The following AGPAT4 variants were observed in gnomAD, a reference collection of about 807,000 sequenced individuals.
AGPAT4 encodes the protein 1-acyl-sn-glycerol-3-phosphate acyltransferase delta.
A neutral mutation model predicts 48.0 loss-of-function variants in AGPAT4; 15 were observed. The ratio of observed to expected loss-of-function variants is 0.31; its 90% CI spans 0.21 to 0.48. The LOEUF is 0.48. Ranked by LOEUF, AGPAT4 falls within the 20% of genes least tolerant of loss-of-function variation. The probability of loss-of-function intolerance (pLI) is 0.99; values close to 1 mark genes in which losing one functional copy is unlikely to be tolerated. For synonymous variants in AGPAT4, 178 were observed against 198.7 expected, an observed-to-expected ratio of 0.90 and a Z score of 0.88; for missense variants, 314 against 482.5, an observed-to-expected ratio of 0.65 and a Z score of 3.27.
rs1778887944 is a variant in AGPAT4 at position 161,131,144 on chromosome 6, G to GC, written c.*5395dup. 6 of 285,530 alleles carry GC rather than the reference G, an allele frequency of 2.1e-5. No individual in the cohort carries two copies. The highest frequency in any genetic ancestry group is 1.7e-4 in the South Asian group (5 of 29,044). 17.7% of individuals were successfully genotyped at this position (285,530 alleles called of 1,614,324 possible). On this transcript the variant is annotated 3_prime_UTR_variant, in exon 9 of 9. Coordinates refer to ENST00000320285, the MANE Select transcript of AGPAT4 (RefSeq NM_020133.3). Reference sequence around the variant, plus strand: ...TCATTCCAATATGTAAAACAAGACTGCCTTGTTTTAAAAAAACAAATTAAA... The same window carrying GC: ...TCATTCCAATATGTAAAACAAGACTGCCCTTGTTTTAAAAAAACAAATTAAA...
rs759391464 is a variant in AGPAT4, at chr6:161,148,269, C to T, written c.767+918G>A. ...GCAGACTGTTGCCTGCACCATCAGA[C>T]AAGAAGTCAGTGATGATGACGATGC... On this transcript the variant is annotated intron_variant, in intron 6 of 8. Transcript: ENST00000320285. The surrounding 1 kb of genome is among the most constrained non-coding windows in gnomAD (Gnocchi z 5.5). Among the ~76,000 whole-genome samples, 1 of 152,208 alleles carries T rather than the reference C, an allele frequency of 6.6e-6. No homozygotes were observed. Among genetic ancestry groups the T allele is most frequent in the Non-Finnish European group, 1.5e-5 (1 of 68,044 alleles).
rs368484728 is a variant in AGPAT4, at chr6:161,230,418, A to G, written c.178+1618T>C. ...GTTTCAATGAAAAAGCGTAATCAGT[A>G]TTGCTTTGTTAAATTTAAATTCTGC... On this transcript the variant is annotated intron_variant, in intron 2 of 8. Transcript: ENST00000320285. Among the ~76,000 whole-genome samples the G allele has an allele frequency of 1.3e-3, 196 of 152,354 alleles. 9 individuals carry two copies. In the South Asian group the frequency reaches 0.039, roughly 30 times the overall value.
In AGPAT4 at chr6:161,177,225, C is replaced by T. The variant is rs941481626; in HGVS notation, c.179-10808G>A. 6.6e-6 allele frequency among the ~76,000 whole-genome samples: 1 copy of T among 152,176 alleles called. No homozygotes were observed. Among genetic ancestry groups the T allele is most frequent in the Non-Finnish European group, 1.5e-5 (1 of 68,030 alleles). On this transcript the variant is annotated intron_variant, in intron 2 of 8. Coordinates refer to ENST00000320285, the MANE Select transcript of AGPAT4 (RefSeq NM_020133.3). The surrounding 1 kb of genome is among the most constrained non-coding windows in gnomAD (Gnocchi z 5.0). ...TTGGGGAAGTTATCCTGGATAATATCCTGTAGAGTGTTTTCCAACGTGGTT... is the reference window on the plus strand; with the variant it reads ...TTGGGGAAGTTATCCTGGATAATATTCTGTAGAGTGTTTTCCAACGTGGTT...
Position 161,195,373 on chromosome 6 carries a change from G to A in AGPAT4, c.179-28956C>T, listed in dbSNP as rs78936541. Among the ~76,000 whole-genome samples the A allele has an allele frequency of 0.015, 2,354 of 152,178 alleles. 51 individuals are homozygous for A. The highest frequency in any genetic ancestry group is 0.054 in the African/African-American group (2,231 of 41,512). The stretch of plus-strand genomic sequence containing the variant: ...AAGCACTGCAGGACAACCATTGGGC[G>A]GGTTATAAACACCTTTCATTATATG... On this transcript the variant is annotated intron_variant, in intron 2 of 8. Coordinates refer to ENST00000320285, the MANE Select transcript of AGPAT4 (RefSeq NM_020133.3). The surrounding 1 kb of genome is among the most constrained non-coding windows in gnomAD (Gnocchi z 5.0).
Position 161,131,185 on chromosome 6 carries a change from ACT to A in AGPAT4, c.*5353_*5354del. On this transcript the variant is annotated 3_prime_UTR_variant, in exon 9 of 9. Transcript: ENST00000320285. ...ACAAATTAAATGTAAAAATTGTATG[ACT>A]CTTACCCAGTGAAAAGCTTTACTAA... The A allele has an allele frequency of 3.7e-6, 1 of 272,732 alleles. No homozygotes were observed. Among genetic ancestry groups the A allele is most frequent in the South Asian group, 3.9e-5 (1 of 25,556 alleles). 16.9% of individuals were successfully genotyped at this position (272,732 alleles called of 1,614,324 possible).
intron 1 of AGPAT4, among the ~76,000 whole-genome samples, chr6:161,260,988 T>C (rs1007991887): frequency 6.6e-6 from 1 of 152,234 alleles, no homozygotes; most frequent in Non-Finnish European, 1.5e-5. Flanking sequence ...GAGTGCACAC[T>C]GAACCACGTC....
rs1367413373 is a variant in AGPAT4, at chr6:161,212,749, G to A, written c.178+19287C>T. ...ACCCTAATACATTTTGTCATCCATG[G>A]ACAATTGTCTTGTTTTGGTCCTCCT... On this transcript the variant is annotated intron_variant, in intron 2 of 8. Coordinates refer to ENST00000320285, the MANE Select transcript of AGPAT4 (RefSeq NM_020133.3). This position sits in a 1 kb window ranked among gnomAD's most constrained non-coding sequence, Gnocchi z 6.1. 1.3e-5 allele frequency among the ~76,000 whole-genome samples: 2 copies of A among 152,120 alleles called. No individual in the cohort carries two copies. The highest frequency in any genetic ancestry group is 4.8e-5 in the African/African-American group (2 of 41,416).
chr6:161,140,022 G>A lies in AGPAT4; in HGVS notation c.844-402C>T, dbSNP rs190022693. 4.2e-4 allele frequency among the ~76,000 whole-genome samples: 64 copies of A among 152,358 alleles called. No individual in the cohort carries two copies. The highest frequency in any genetic ancestry group is 8.2e-4 in the Non-Finnish European group (56 of 68,036). The stretch of plus-strand genomic sequence containing the variant: ...GGCGGGAGAATGGAGTGGATGCTGC[G>A]CCGAAGCTGCCCGCAGGGGACACTC... On this transcript the variant is annotated intron_variant, in intron 7 of 8. Transcript: ENST00000320285. This position sits in a 1 kb window ranked among gnomAD's most constrained non-coding sequence, Gnocchi z 6.5.
At position 161,231,795 on chromosome 6, in the gene AGPAT4, C is replaced by T. The variant is rs139279614; in HGVS notation, c.178+241G>A. Among the ~76,000 whole-genome samples the T allele has an allele frequency of 1.5e-4, 23 of 152,154 alleles. No individual in the cohort carries two copies. The East Asian group carries it at 2.5e-3, about 17-fold the overall frequency. The stretch of plus-strand genomic sequence containing the variant: ...GAGAACTAAAGAAACTAATGGAATG[C>T]GTATTTACTTTTCATAGTATACCTG... On this transcript the variant is annotated intron_variant, in intron 2 of 8. Coordinates refer to ENST00000320285, the MANE Select transcript of AGPAT4 (RefSeq NM_020133.3). The surrounding 1 kb of genome is among the most constrained non-coding windows in gnomAD (Gnocchi z 5.3).
chr6:161,150,726 G>A (rs967628786), intron 5 of AGPAT4, among the ~76,000 whole-genome samples: 1 of 152,200 alleles, frequency 6.6e-6, no homozygotes, highest in Non-Finnish European at 1.5e-5. Context: ...CTGAGGAGTA[G>A]CTGCCTGGTC....
Position 161,233,162 on chromosome 6 carries a change from A to AGT in AGPAT4, c.-89-862_-89-861dup, listed in dbSNP as rs1782175256. Among the ~76,000 whole-genome samples, 2 of 151,658 alleles carry AGT rather than the reference A, an allele frequency of 1.3e-5. No individual in the cohort carries two copies. The highest frequency in any genetic ancestry group is 6.6e-5 in the Admixed American group (1 of 15,218). ...ACACACACAGATACACACATCCTTA[A>AGT]GTGTTCTCAAATCAGAAAGAAACTC... On this transcript the variant is annotated intron_variant, in intron 1 of 8. Coordinates refer to ENST00000320285, the MANE Select transcript of AGPAT4 (RefSeq NM_020133.3). This position sits in a 1 kb window ranked among gnomAD's most constrained non-coding sequence, Gnocchi z 5.4.
rs1378384557 is a variant in AGPAT4, at chr6:161,136,431, C to T, written c.*109G>A. On this transcript the variant is annotated 3_prime_UTR_variant, in exon 9 of 9. Transcript: ENST00000320285. The stretch of plus-strand genomic sequence containing the variant: ...TGGCTGGAGAGGTCGTGACTTCCGC[C>T]GTGCCCAGCAGGGGCTCACCCAGCC... 1.5e-5 allele frequency: 14 copies of T among 947,832 alleles called. No individual in the cohort carries two copies. The highest frequency in any genetic ancestry group is 5.0e-5 in the East Asian group (2 of 40,290). 58.7% of individuals were successfully genotyped at this position (947,832 alleles called of 1,614,324 possible).
chr6:161,218,953 T>C lies in AGPAT4; in HGVS notation c.178+13083A>G, dbSNP rs1209276155. 6.6e-6 allele frequency among the ~76,000 whole-genome samples: 1 copy of C among 152,266 alleles called. No homozygotes were observed. The highest frequency in any genetic ancestry group is 1.5e-5 in the Non-Finnish European group (1 of 68,052). On this transcript the variant is annotated intron_variant, in intron 2 of 8. Coordinates refer to ENST00000320285, the MANE Select transcript of AGPAT4 (RefSeq NM_020133.3). This position sits in a 1 kb window ranked among gnomAD's most constrained non-coding sequence, Gnocchi z 4.7. ...TTTTCCTTCAAAACAGACTGTGGAA[T>C]TGGAGAATACTTTTAATCTAATATT... is the stretch of plus-strand genomic sequence containing the variant.
At chr6:161,256,741 G>T (rs758774566) in intron 1 of AGPAT4, among the ~76,000 whole-genome samples, 1 of 152,232 alleles carries the variant, frequency 6.6e-6, no homozygotes, top group East Asian at 1.9e-4. Context: ...ATTGCCAAAA[G>T]CTTCATTAAT....
rs1562366603 is a variant in AGPAT4, at chr6:161,272,763, C to CT, written c.-90+1174dup. 6.6e-6 allele frequency among the ~76,000 whole-genome samples: 1 copy of CT among 151,652 alleles called. No individual in the cohort carries two copies. The highest frequency in any genetic ancestry group is 1.5e-5 in the Non-Finnish European group (1 of 67,982). ...ACACATTCTCCCTTCTCTCAAGATA[C>CT]TTTTTTTCCAACTGAGAGTCGTTGA... On this transcript the variant is annotated intron_variant, in intron 1 of 8. Transcript: ENST00000320285. This position sits in a 1 kb window ranked among gnomAD's most constrained non-coding sequence, Gnocchi z 4.2.
At position 161,225,944 on chromosome 6, in the gene AGPAT4, T is replaced by C. The variant is rs1237482181; in HGVS notation, c.178+6092A>G. ...CACGGGTCTTTTAAATTCCTTTCCA[T>C]CCGACTTGACTCGCCAAAGCCACTG... On this transcript the variant is annotated intron_variant, in intron 2 of 8. Coordinates refer to ENST00000320285, the MANE Select transcript of AGPAT4 (RefSeq NM_020133.3). This position sits in a 1 kb window ranked among gnomAD's most constrained non-coding sequence, Gnocchi z 5.0. Among the ~76,000 whole-genome samples, 1 of 152,006 alleles carries C rather than the reference T, an allele frequency of 6.6e-6. No individual in the cohort carries two copies. Among genetic ancestry groups the C allele is most frequent in the Non-Finnish European group, 1.5e-5 (1 of 68,012 alleles).
Position 161,216,339 on chromosome 6 carries a change from C to CAAA in AGPAT4, c.178+15694_178+15696dup, listed in dbSNP as rs1297098301. On this transcript the variant is annotated intron_variant, in intron 2 of 8. Coordinates refer to ENST00000320285, the MANE Select transcript of AGPAT4 (RefSeq NM_020133.3). This position sits in a 1 kb window ranked among gnomAD's most constrained non-coding sequence, Gnocchi z 4.8. ...AGCCCCAGTCTCTTCTGTCCTCAAG[C>CAAA]AAACGTCTGCAACAAGTGCGTCTCT... Among the ~76,000 whole-genome samples, 4 of 152,204 alleles carry CAAA rather than the reference C, an allele frequency of 2.6e-5. No homozygotes were observed. The highest frequency in any genetic ancestry group is 9.6e-5 in the African/African-American group (4 of 41,458).
rs1781391448 is a variant in AGPAT4, at chr6:161,206,849, C to A, written c.178+25187G>T. Among the ~76,000 whole-genome samples the A allele has an allele frequency of 6.6e-6, 1 of 151,622 alleles. No homozygotes were observed. The highest frequency in any genetic ancestry group is 2.1e-4 in the South Asian group (1 of 4,804). ...CAAAAAAAGGTTTTCAAAAAAAGAA[C>A]CAAGTGGAAAAGTAATTGGTCAAAA... On this transcript the variant is annotated intron_variant, in intron 2 of 8. Coordinates refer to ENST00000320285, the MANE Select transcript of AGPAT4 (RefSeq NM_020133.3). This position sits in a 1 kb window ranked among gnomAD's most constrained non-coding sequence, Gnocchi z 4.8.
In AGPAT4 at chr6:161,222,616, G is replaced by A. The variant is rs996547012; in HGVS notation, c.178+9420C>T. On this transcript the variant is annotated intron_variant, in intron 2 of 8. Transcript: ENST00000320285. The surrounding 1 kb of genome is among the most constrained non-coding windows in gnomAD (Gnocchi z 5.9). ...AAATTCCAATTAACAGTTTCTCAAG[G>A]CACATTTTGAACAATGGTTCAGGTC... 6.6e-6 allele frequency among the ~76,000 whole-genome samples: 1 copy of A among 151,806 alleles called. No homozygotes were observed. Among genetic ancestry groups the A allele is most frequent in the African/African-American group, 2.4e-5 (1 of 41,270 alleles).
Sources: gnomAD v4.1 joint callset for allele counts (sites outside exome capture counted in the v4.1 genomes callset) on GRCh38, gnomAD v4.1.1 for gene constraint, Gnocchi (gnomAD v3.1) non-coding constraint, MANE v1.5 for transcripts, NCBI Gene and HGNC (gene_info 2026-07-23, HGNC 2026-07-21) for gene names.